Variants in MYRF observed in about 807,000 individuals in gnomAD.
The protein encoded by MYRF is myelin regulatory factor.
A neutral mutation model predicts 126.3 loss-of-function variants in MYRF; 16 were observed. That is an observed-to-expected ratio of 0.13 (90% CI 0.09 to 0.19). The LOEUF (loss-of-function observed/expected upper bound fraction) is 0.19. Among genes scored for constraint, MYRF ranks in the 10% least tolerant of loss-of-function variants. The probability of loss-of-function intolerance (pLI) is 1.00; values close to 1 mark genes in which losing one functional copy is unlikely to be tolerated. For missense variants in MYRF, 1,104 were observed against 1,547.0 expected (o/e 0.71, Z 4.80); for synonymous variants, 608 against 635.3 (o/e 0.96, Z 0.65).
At chr11:61,770,582 T>G (rs1591103148) in intron 5 of MYRF, 57 bp downstream of exon 5, 29 of 1,277,318 alleles carry the variant, frequency 2.3e-5, no homozygotes, top group Non-Finnish European at 2.8e-5. Context: ...GGGACCAGGG[T>G]GGGCAGGGCG....
At chr11:61,756,178 C>T (rs946409227) in intron 1 of MYRF, among the ~76,000 whole-genome samples, 3 of 152,156 alleles carry the variant, frequency 2.0e-5, no homozygotes, top group Admixed American at 6.5e-5. Context: ...GCCACCCTTC[C>T]CGGCTGTGGG....
chr11:61,777,483 G>T lies in MYRF; in HGVS notation c.1791+19G>T. 6.3e-7 allele frequency: 1 copy of T among 1,580,520 alleles called. No individual in the cohort carries two copies. Among genetic ancestry groups the T allele is most frequent in the African/African-American group, 1.3e-5 (1 of 74,286 alleles). On this transcript the variant is annotated intron_variant, in intron 12 of 26. Transcript: ENST00000278836. The surrounding 1 kb of genome is among the most constrained non-coding windows in gnomAD (Gnocchi z 8.8). ...GCAGGAGGTGGGGACAGGGCTGTGG[G>T]GGCCGGGCGGGTCCAGACGCTGGAG...
rs1395797090 is a variant in MYRF at position 61,757,425 on chromosome 11, A to T, written c.46+4635A>T. The T allele has an allele frequency of 2.2e-6, 1 of 452,194 alleles. No homozygotes were observed. The highest frequency in any genetic ancestry group is 4.5e-6 in the Non-Finnish European group (1 of 223,872). 28.0% of individuals were successfully genotyped at this position (452,194 alleles called of 1,614,324 possible). A position where few individuals can be genotyped will look rare whatever the true frequency, so the allele number is the denominator to read the frequency against. On this transcript the variant is annotated intron_variant, in intron 1 of 26. Transcript: ENST00000278836. The surrounding 1 kb of genome is among the most constrained non-coding windows in gnomAD (Gnocchi z 4.7). Reference sequence around the variant, plus strand: ...CCGTCCCAGGGTTTCTGGGGTGATTAGGTAAGATTGTGCCTGGCCTGGTGA... The same window carrying T: ...CCGTCCCAGGGTTTCTGGGGTGATTTGGTAAGATTGTGCCTGGCCTGGTGA...
intron 1 of MYRF, chr11:61,755,452 C>T (rs1286461830): frequency 1.2e-6 from 2 of 1,609,714 alleles, no homozygotes; most frequent in Admixed American, 1.7e-5. Context: ...GGTAACCGGG[C>T]CATGGTATAA....
chr11:61,755,543 T>C, intron 1 of MYRF: 1 of 1,426,786 alleles, frequency 7.0e-7, no homozygotes, highest in Non-Finnish European at 9.8e-7. Context: ...AGAGTTCTGG[T>C]GCAGGCTGGA....
rs767019578 is a variant in MYRF at position 61,757,342 on chromosome 11, C to T, written c.46+4552C>T. ...GCTTCTCTTGGCCGTATCAGGGCAC[C>T]GCTGTGCCTCCGCTTTCTCATCTGT... On this transcript the variant is annotated intron_variant, in intron 1 of 26. Coordinates refer to ENST00000278836, the MANE Select transcript of MYRF (RefSeq NM_001127392.3). The surrounding 1 kb of genome is among the most constrained non-coding windows in gnomAD (Gnocchi z 4.7). 12 of 455,800 alleles carry T rather than the reference C, an allele frequency of 2.6e-5. No individual in the cohort carries two copies. Among genetic ancestry groups the T allele is most frequent in the South Asian group, 6.2e-5 (4 of 64,558 alleles). 28.2% of individuals were successfully genotyped at this position (455,800 alleles called of 1,614,324 possible).
chr11:61,761,741 TG>T (rs1226036219), intron 1 of MYRF, among the ~76,000 whole-genome samples: 3 of 152,394 alleles, frequency 2.0e-5, no homozygotes, highest in Admixed American at 6.5e-5. Flanking sequence ...GCCCAGTGCC[TG>T]CCCCTGTAAG....
rs138014773 is a variant in MYRF, at chr11:61,776,847, C to T, written c.1560C>T (p.Ala520=). 7.5e-4 allele frequency: 1,207 copies of T among 1,608,162 alleles called. 6 individuals are homozygous for T. The highest frequency in any genetic ancestry group is 6.8e-4 in the Admixed American group (40 of 59,186). The stretch of plus-strand genomic sequence containing the variant: ...CACAGAACCAGAACTACACGCTGGC[C>T]GCCCAGATCTCAGAGCGCATCATTG... ...AHAQNQNYTL[A]AQISERIIVR... is the part of the protein sequence containing the mutation. The change falls in exon 11 of 27, where the codon GCC becomes GCT. Residue 520 remains alanine, a synonymous_variant. Transcript: ENST00000278836. The surrounding 1 kb of genome is among the most constrained non-coding windows in gnomAD (Gnocchi z 4.3).
intron 1 of MYRF, among the ~76,000 whole-genome samples, chr11:61,763,363 G>A (rs1201485675): frequency 2.0e-5 from 3 of 152,192 alleles, no homozygotes; most frequent in Non-Finnish European, 4.4e-5. Flanking sequence ...ATCGTCCCTG[G>A]CCTGGTAGGC....
intron 3 of MYRF, chr11:61,766,703 C>A (rs1283741225): frequency 7.5e-6 from 2 of 265,808 alleles, no homozygotes; most frequent in East Asian, 1.0e-4. Flanking sequence ...CAGGCCCTTC[C>A]CCCCATCTTT....
rs937791207 is a variant in MYRF at position 61,783,722 on chromosome 11, T to C, written c.3119+122T>C. 2 of 1,344,284 alleles carry C rather than the reference T, an allele frequency of 1.5e-6. No homozygotes were observed. The highest frequency in any genetic ancestry group is 2.5e-5 in the South Asian group (2 of 79,120). The allele number at this position is 1,344,284 out of a possible 1,614,324, so 83.3% of individuals were successfully genotyped here. ...CTCCCCCATAAGGAAGGGTAGCCCC[T>C]TTCCAGGCTACCCTTGGACACTGTC... On this transcript the variant is annotated intron_variant, in intron 23 of 26. Transcript: ENST00000278836. The surrounding 1 kb of genome is among the most constrained non-coding windows in gnomAD (Gnocchi z 4.6).
At chr11:61,781,848 A>G in intron 22 of MYRF, 24 bp downstream of exon 22, 2 of 1,511,246 alleles carry the variant, frequency 1.3e-6, no homozygotes, top group Non-Finnish European at 1.8e-6. Context: ...CCCTGACACT[A>G]CCCAGCCCAG....
chr11:61,769,229 A>AC (rs1372561144), intron 3 of MYRF, 31 bp from the exon 4 acceptor site: 19 of 1,439,416 alleles, frequency 1.3e-5, no homozygotes, highest in East Asian at 2.5e-5. Context: ...TCAGCTGCTC[A>AC]CCCCCCGGCC....
chr11:61,780,017 G>A (rs2066496418), intron 17 of MYRF, 87 bp downstream of exon 17: 1 of 1,316,328 alleles, frequency 7.6e-7, no homozygotes, highest in Non-Finnish European at 1.1e-6. Flanking sequence ...TCAGGCCTGG[G>A]GGAAGAGGAG....
At chr11:61,773,802 C>T (rs1043616382) in intron 7 of MYRF, among the ~76,000 whole-genome samples, 165 bp from the exon 8 acceptor site, 1 of 152,148 alleles carries the variant, frequency 6.6e-6, no homozygotes, top group Admixed American at 6.5e-5. Context: ...GAATCCTCTC[C>T]GGGACTCAGT....
intron 1 of MYRF, among the ~76,000 whole-genome samples, chr11:61,762,588 C>T (rs1052383283): frequency 5.3e-5 from 8 of 152,178 alleles, no homozygotes; most frequent in African/African-American, 1.9e-4. Context: ...GGACCCTGCC[C>T]CTGTCCTGGG....
rs2066368623 is a variant in MYRF at position 61,775,915 on chromosome 11, G to A, written c.1312-141G>A. On this transcript the variant is annotated intron_variant, in intron 8 of 26. Coordinates refer to ENST00000278836, the MANE Select transcript of MYRF (RefSeq NM_001127392.3). The stretch of plus-strand genomic sequence containing the variant: ...GACCATGCAGAAGGCATCTGAGCTT[G>A]TGGGAATCGCGGCTGAGGGCTGGGT... 19 of 727,742 alleles carry A rather than the reference G, an allele frequency of 2.6e-5. No homozygotes were observed. The South Asian group carries it at 3.1e-4, about 12-fold the overall frequency. The allele number at this position is 727,742 out of a possible 1,614,324, so 45.1% of individuals were successfully genotyped here.
rs896944660 is a variant in MYRF at position 61,776,573 on chromosome 11, G to C, written c.1499+141G>C. The stretch of plus-strand genomic sequence containing the variant: ...GACCTGAGATTTAGAGCCCTTCATT[G>C]ACTTAAGGATGGGAAGAGCAGAAGC... On this transcript the variant is annotated intron_variant, in intron 10 of 26. Transcript: ENST00000278836. This position sits in a 1 kb window ranked among gnomAD's most constrained non-coding sequence, Gnocchi z 4.3. 13 of 776,660 alleles carry C rather than the reference G, an allele frequency of 1.7e-5. No homozygotes were observed. Among genetic ancestry groups the C allele is most frequent in the African/African-American group, 7.0e-5 (4 of 57,092 alleles). The allele number at this position is 776,660 out of a possible 1,614,324, so 48.1% of individuals were successfully genotyped here. A position where few individuals can be genotyped will look rare whatever the true frequency, so the allele number is the denominator to read the frequency against.
Position 61,779,525 on chromosome 11 carries a change from G to A in MYRF, c.2202G>A (p.Ala734=), listed in dbSNP as rs146182410. Residue 734 remains alanine (A), a synonymous_variant, in exon 16 of 27, where the codon GCG becomes GCA. Transcript: ENST00000278836. ...ATGCAGGGAGCCAGTTCAGTCGGGC[G>A]GGCAGCGTCCCCCACAAGAAGAGGC... ...FSHAGSQFSR[A]GSVPHKKRPP... 2.0e-5 allele frequency: 30 copies of A among 1,512,146 alleles called. No homozygotes were observed. Among genetic ancestry groups the A allele is most frequent in the East Asian group, 7.0e-5 (3 of 42,926 alleles). The allele number at this position is 1,512,146 out of a possible 1,614,324, so 93.7% of individuals were successfully genotyped here. A position where few individuals can be genotyped will look rare whatever the true frequency, so the allele number is the denominator to read the frequency against.
Sources: allele counts gnomAD v4.1 joint callset (sites outside exome capture counted in the v4.1 genomes callset), GRCh38; gene constraint gnomAD v4.1.1; non-coding constraint Gnocchi (gnomAD v3.1); transcripts MANE v1.5; gene names NCBI Gene and HGNC (gene_info 2026-07-23, HGNC 2026-07-21).